Variants in FHIT observed in about 807,000 individuals in gnomAD.
FHIT encodes bis(5'-adenosyl)-triphosphatase.
In FHIT, 19 loss-of-function variants were observed where a neutral mutation model predicts 17.9. The ratio of observed to expected loss-of-function variants is 1.06; its 90% CI spans 0.74 to 1.56. The LOEUF is 1.56. FHIT is among the 40% of genes most tolerant of loss of function. FHIT has a pLI of 0.00. For missense variants in FHIT, 248 were observed against 189.2 expected (o/e 1.31, Z -1.82); for synonymous variants, 81 against 69.7 (o/e 1.16, Z -0.81).
chr3:60,719,907 T>C (rs2041771407), intron 4 of FHIT, among the ~76,000 whole-genome samples: 1 of 152,182 alleles, frequency 6.6e-6, no homozygotes, highest in Non-Finnish European at 1.5e-5. Context: ...TCTCCTGCAA[T>C]GGCCACTCAA....
chr3:60,525,071 T>C (rs1395786841), intron 5 of FHIT, among the ~76,000 whole-genome samples: 1 of 152,176 alleles, frequency 6.6e-6, no homozygotes, highest in Non-Finnish European at 1.5e-5. Context: ...ACTTTGGCTT[T>C]AGTTAGAAGA....
chr3:60,361,660 A>T (rs995003691), intron 5 of FHIT, among the ~76,000 whole-genome samples: 10 of 152,144 alleles, frequency 6.6e-5, no homozygotes, highest in African/African-American at 2.4e-4. Context: ...AAGACAACAA[A>T]AGCAATACAA....
intron 8 of FHIT, among the ~76,000 whole-genome samples, chr3:59,841,799 A>G (rs1056882328): frequency 8.5e-5 from 13 of 152,166 alleles, no homozygotes; most frequent in Admixed American, 5.9e-4. Flanking sequence ...AAGAAAACCA[A>G]TCGTGCATTG....
At chr3:61,176,749 T>C (rs2038167902) in intron 2 of FHIT, among the ~76,000 whole-genome samples, 1 of 152,196 alleles carries the variant, frequency 6.6e-6, no homozygotes. Flanking sequence ...ATGATGCTGA[T>C]GAAGCTTAAA....
rs147284916 is a variant in FHIT, at chr3:60,416,511, C to T, written c.103+120349G>A. On this transcript the variant is annotated intron_variant, in intron 5 of 9. Transcript: ENST00000492590. ...ACAATTGTGTGAAAGCAGTCCCAGA[C>T]AATGCATACATGAATTAGCTTGGCT... Among the ~76,000 whole-genome samples the T allele has an allele frequency of 5.2e-3, 787 of 152,286 alleles. 8 individuals are homozygous for T. Among genetic ancestry groups the T allele is most frequent in the African/African-American group, 0.012 (503 of 41,554 alleles).
chr3:61,248,556 G>A (rs1291437178), intron 1 of FHIT, among the ~76,000 whole-genome samples: 2 of 152,156 alleles, frequency 1.3e-5, no homozygotes, highest in Admixed American at 1.3e-4. Flanking sequence ...ATTTTAACAT[G>A]TGAATGCAAA....
At chr3:60,164,853 C>T (rs143045404) in intron 5 of FHIT, among the ~76,000 whole-genome samples, 78 of 152,234 alleles carry the variant, frequency 5.1e-4, no homozygotes, top group African/African-American at 1.0e-3. Context: ...ATTATACCTA[C>T]GTACCAGTCC....
chr3:60,423,812 G>A (rs1702563410), intron 5 of FHIT, among the ~76,000 whole-genome samples: 2 of 152,194 alleles, frequency 1.3e-5, no homozygotes, highest in Admixed American at 6.5e-5. Flanking sequence ...GAAATACAGT[G>A]CCCCTAGCTA....
At chr3:59,959,401 G>T (rs1707559504) in intron 7 of FHIT, among the ~76,000 whole-genome samples, 1 of 152,178 alleles carries the variant, frequency 6.6e-6, no homozygotes, top group African/African-American at 2.4e-5. Flanking sequence ...ATGAGGTTCA[G>T]GGAGGTTAAA....
intron 8 of FHIT, among the ~76,000 whole-genome samples, chr3:59,863,375 G>C (rs571360589): frequency 1.3e-5 from 2 of 152,140 alleles, no homozygotes; most frequent in African/African-American, 4.8e-5. Context: ...AAAACCATTG[G>C]GTATCCCTGA....
At chr3:60,313,159 A>G (rs1057087844) in intron 5 of FHIT, among the ~76,000 whole-genome samples, 1 of 152,236 alleles carries the variant, frequency 6.6e-6, no homozygotes, top group African/African-American at 2.4e-5. Context: ...GATGTATGTT[A>G]TCCACACACC....
chr3:59,932,201 C>G (rs1706006557), intron 7 of FHIT, among the ~76,000 whole-genome samples: 2 of 152,188 alleles, frequency 1.3e-5, no homozygotes. Flanking sequence ...AGTAGCTCAT[C>G]ATCATCCCAA....
At chr3:61,101,103 C>T (rs2035806775) in intron 2 of FHIT, among the ~76,000 whole-genome samples, 1 of 152,146 alleles carries the variant, frequency 6.6e-6, no homozygotes, top group Non-Finnish European at 1.5e-5. Flanking sequence ...GTTGCCATTG[C>T]TTTTGGTGTT....
intron 3 of FHIT, among the ~76,000 whole-genome samples, chr3:60,929,603 C>T (rs1192017091): frequency 6.6e-6 from 1 of 152,046 alleles, no homozygotes; most frequent in Non-Finnish European, 1.5e-5. Flanking sequence ...GAGTGAACTC[C>T]CATTCACAAT....
intron 5 of FHIT, among the ~76,000 whole-genome samples, chr3:60,503,502 A>G (rs2034604332): frequency 6.6e-6 from 1 of 152,214 alleles, no homozygotes; most frequent in African/African-American, 2.4e-5. Flanking sequence ...GTATGCATGT[A>G]ATATACAGTA....
intron 7 of FHIT, among the ~76,000 whole-genome samples, chr3:59,954,239 T>TTTC (rs1247708072): frequency 2.0e-5 from 3 of 150,936 alleles, no homozygotes; most frequent in South Asian, 2.1e-4. Flanking sequence ...TTCTTTTTTT[T>TTTC]CCAAATGTGT....
At chr3:60,564,690 C>A (rs544452390) in intron 4 of FHIT, among the ~76,000 whole-genome samples, 2 of 152,230 alleles carry the variant, frequency 1.3e-5, no homozygotes, top group South Asian at 4.2e-4. Context: ...GAAGACGTGA[C>A]TGTATTGCTG....
chr3:59,885,958 C>T (rs745341649), intron 8 of FHIT, among the ~76,000 whole-genome samples: 1 of 152,118 alleles, frequency 6.6e-6, no homozygotes, highest in Admixed American at 6.5e-5. Context: ...GAAGCTAATG[C>T]CAGGCAATCC....
rs2039921603 is a variant in FHIT, at chr3:60,648,719, G to A, written c.-17-111740C>T. Among the ~76,000 whole-genome samples the A allele has an allele frequency of 2.6e-5, 4 of 152,200 alleles. No individual in the cohort carries two copies. The South Asian group carries it at 8.3e-4, about 31-fold the overall frequency. ...ACTCTCCAGAGCTAAGAGAGCTAAT[G>A]TGAGATGAAAAGCTAAAAAAGGAGC... is the stretch of plus-strand genomic sequence containing the variant. On this transcript the variant is annotated intron_variant, in intron 4 of 9. Transcript: ENST00000492590.
Sources: gnomAD v4.1 joint callset for allele counts (sites outside exome capture counted in the v4.1 genomes callset) on GRCh38, gnomAD v4.1.1 for gene constraint, MANE v1.5 for transcripts, NCBI Gene and HGNC (gene_info 2026-07-23, HGNC 2026-07-21) for gene names.